The following SH3BGRL2 variants were observed in gnomAD, a reference collection of about 807,000 sequenced individuals.
SH3BGRL2 encodes the protein SH3 domain-binding glutamic acid-rich-like protein 2.
Under a neutral mutation model 14.8 loss-of-function variants are expected in SH3BGRL2, and 21 were observed. The observed-to-expected ratio is 1.42, with a 90% confidence interval of 1.01 to 2.05. The LOEUF is 2.05. Ranked by LOEUF, SH3BGRL2 falls within the 30% of genes most tolerant of loss-of-function variation. SH3BGRL2 has a pLI of 0.00. For synonymous variants in SH3BGRL2, 50 were observed against 47.8 expected (o/e 1.05, Z -0.19); for missense variants, 147 against 130.8 (o/e 1.12, Z -0.61).
intron 1 of SH3BGRL2, among the ~76,000 whole-genome samples, chr6:79,652,908 G>T (rs180709186): frequency 5.3e-5 from 8 of 152,164 alleles, no homozygotes; most frequent in Admixed American, 4.6e-4. Context: ...ACACTTAATA[G>T]TGTTTAATCT....
At chr6:79,651,046 T>C (rs532988625) in intron 1 of SH3BGRL2, among the ~76,000 whole-genome samples, 10 of 152,170 alleles carry the variant, frequency 6.6e-5, no homozygotes, top group Non-Finnish European at 1.2e-4. Context: ...ATATAATCTG[T>C]TAGGATAACT....
intron 1 of SH3BGRL2, among the ~76,000 whole-genome samples, chr6:79,669,930 G>A (rs757790967): frequency 3.3e-5 from 5 of 152,156 alleles, no homozygotes; most frequent in Admixed American, 6.6e-5. Context: ...ACTTTGATCC[G>A]GAAGTGAAGA....
At chr6:79,581,178 A>G in the SH3BGRL2 span, among the ~76,000 whole-genome samples, 4 of 152,208 alleles carry the variant, frequency 2.6e-5, no homozygotes, top group Non-Finnish European at 4.4e-5. Flanking sequence ...GTCCAGGACC[A>G]GACAGATTCA....
the SH3BGRL2 span, among the ~76,000 whole-genome samples, chr6:79,562,416 CCTAA>C: frequency 6.6e-6 from 1 of 151,940 alleles, no homozygotes; most frequent in Non-Finnish European, 1.5e-5. Context: ...CAAATTGGTC[CCTAA>C]CTAACTCCTA....
At chr6:79,631,176 G>C (rs1175298032), upstream of SH3BGRL2, 2 of 350,868 alleles carry the variant, frequency 5.7e-6, no homozygotes, top group African/African-American at 4.2e-5. Context: ...CGGTCAGGAG[G>C]GGAGCTCAGT....
intron 1 of SH3BGRL2, among the ~76,000 whole-genome samples, chr6:79,642,715 G>T (rs78552610): frequency 6.6e-6 from 1 of 152,116 alleles, no homozygotes; most frequent in South Asian, 2.1e-4. Flanking sequence ...GTGAGTAACC[G>T]GGAAAAGGAA....
chr6:79,630,049 T>A (rs943642925), upstream of SH3BGRL2, among the ~76,000 whole-genome samples: 15 of 152,338 alleles, frequency 9.8e-5, no homozygotes, highest in African/African-American at 3.1e-4. Flanking sequence ...TAAAGTACAT[T>A]TGCCGAGAGA....
intron 1 of SH3BGRL2, among the ~76,000 whole-genome samples, chr6:79,667,750 G>A (rs538442312): frequency 2.6e-5 from 4 of 152,148 alleles, no homozygotes; most frequent in Non-Finnish European, 5.9e-5. Flanking sequence ...CCTGGCCTTA[G>A]GCTAAACTTA....
the SH3BGRL2 span, among the ~76,000 whole-genome samples, chr6:79,567,311 A>C: frequency 1.3e-5 from 2 of 152,244 alleles, no homozygotes. Context: ...TATTCAAAAA[A>C]GCAAAAGGTC....
chr6:79,617,911 T>G, the SH3BGRL2 span, among the ~76,000 whole-genome samples: 1 of 152,218 alleles, frequency 6.6e-6, no homozygotes, highest in Non-Finnish European at 1.5e-5. Flanking sequence ...CACAGGTCCT[T>G]CCATTGTAAA....
At chr6:79,609,643 A>G in the SH3BGRL2 span, among the ~76,000 whole-genome samples, 1 of 152,208 alleles carries the variant, frequency 6.6e-6, no homozygotes, top group Non-Finnish European at 1.5e-5. Context: ...GTTCTTTGGC[A>G]GTGGCAATTA....
chr6:79,552,562 A>G, the SH3BGRL2 span, among the ~76,000 whole-genome samples: 1 of 152,170 alleles, frequency 6.6e-6, no homozygotes, highest in Non-Finnish European at 1.5e-5. Context: ...GAGGGAGGGT[A>G]TAATGAGGTG....
intron 2 of SH3BGRL2, among the ~76,000 whole-genome samples, chr6:79,683,079 A>G (rs751842307): frequency 6.6e-6 from 1 of 152,210 alleles, no homozygotes; most frequent in Non-Finnish European, 1.5e-5. Context: ...GGATAGCATT[A>G]GGAGAAATAC....
intron 1 of SH3BGRL2, among the ~76,000 whole-genome samples, chr6:79,659,563 A>G (rs145682354): frequency 0.078 from 11,934 of 152,276 alleles, 606 homozygotes; most frequent in Non-Finnish European, 0.11. Context: ...ATTTGAAGTC[A>G]GGTAGCGTGA....
At chr6:79,645,059 C>T (rs1769101871) in intron 1 of SH3BGRL2, among the ~76,000 whole-genome samples, 1 of 149,572 alleles carries the variant, frequency 6.7e-6, no homozygotes, top group South Asian at 2.1e-4. Flanking sequence ...ACTCAGGAGG[C>T]TGAGGTAGGA....
intron 2 of SH3BGRL2, among the ~76,000 whole-genome samples, chr6:79,682,170 G>A (rs544639576): frequency 2.0e-4 from 31 of 152,136 alleles, no homozygotes; most frequent in Non-Finnish European, 3.5e-4. Context: ...TCATTTCCCC[G>A]GCACTAAAAT....
the SH3BGRL2 span, among the ~76,000 whole-genome samples, chr6:79,595,777 G>A: frequency 3.3e-5 from 5 of 152,134 alleles, no homozygotes; most frequent in African/African-American, 1.2e-4. Flanking sequence ...AAGAATGTTG[G>A]TTTTTGCTAC....
chr6:79,666,942 CA>C (rs1272663854), intron 1 of SH3BGRL2, among the ~76,000 whole-genome samples: 1 of 152,098 alleles, frequency 6.6e-6, no homozygotes, highest in Non-Finnish European at 1.5e-5. Flanking sequence ...ACATCTAGGG[CA>C]AAGATAGAAA....
At chr6:79,566,008 CT>C in the SH3BGRL2 span, among the ~76,000 whole-genome samples, 4 of 152,160 alleles carry the variant, frequency 2.6e-5, no homozygotes, top group African/African-American at 9.7e-5. Flanking sequence ...TACCTATTCC[CT>C]TCACATTCCT....
Sources: allele counts gnomAD v4.1 joint callset (sites outside exome capture counted in the v4.1 genomes callset), GRCh38; gene constraint gnomAD v4.1.1; transcripts MANE v1.5; gene names NCBI Gene and HGNC (gene_info 2026-07-23, HGNC 2026-07-21).